The following STAM variants were observed in gnomAD, a reference collection of about 807,000 sequenced individuals.
STAM encodes the protein signal transducing adaptor molecule.
A neutral mutation model predicts 63.4 loss-of-function variants in STAM; 16 were observed. The observed-to-expected ratio is 0.25, with a 90% CI of 0.17 to 0.38. The LOEUF (loss-of-function observed/expected upper bound fraction) is 0.38. STAM is among the 10% of genes least tolerant of loss of function. STAM has a pLI of 1.00. For missense variants in STAM, 636 were observed against 657.1 expected (o/e 0.97, Z 0.35); for synonymous variants, 238 against 223.9 (o/e 1.06, Z -0.56).
At chr10:17,694,888 T>C (rs1835687828) in intron 6 of STAM, 161 bp from the exon 7 acceptor site, 1 of 585,950 alleles carries the variant, frequency 1.7e-6, no homozygotes, top group Non-Finnish European at 2.7e-6. Context: ...AATGAATGAA[T>C]AAACTGACAA....
intron 5 of STAM, among the ~76,000 whole-genome samples, chr10:17,688,985 C>T (rs1835416476): frequency 6.6e-6 from 1 of 151,980 alleles, no homozygotes; most frequent in Non-Finnish European, 1.5e-5. Context: ...AAGAGAAGCA[C>T]CTGAAGCATT....
At chr10:17,667,761 T>A (rs1554823619) in intron 2 of STAM, among the ~76,000 whole-genome samples, 1 of 152,202 alleles carries the variant, frequency 6.6e-6, no homozygotes, top group African/African-American at 2.4e-5. Flanking sequence ...ATGCTATAAT[T>A]TTAATGTTGA....
At chr10:17,684,209 G>A (rs751448882) in intron 2 of STAM, among the ~76,000 whole-genome samples, 9 of 152,208 alleles carry the variant, frequency 5.9e-5, no homozygotes, top group Admixed American at 2.6e-4. Context: ...TAGGCAGAAA[G>A]TTGAGGCAAA....
At position 17,716,210 on chromosome 10, in the gene STAM, A is replaced by G. The variant is rs977052100; in HGVS notation, c.*1430A>G. Among the ~76,000 whole-genome samples, 1 of 152,148 alleles carries G rather than the reference A, an allele frequency of 6.6e-6. No individual in the cohort carries two copies. Among genetic ancestry groups the G allele is most frequent in the Non-Finnish European group, 1.5e-5 (1 of 67,990 alleles). ...AATGAATTGATGTAACAGGTTTCAT[A>G]CTATAAATGAAAATTTCATTTTTAT... is the stretch of plus-strand genomic sequence containing the variant. On this transcript the variant is annotated 3_prime_UTR_variant, in exon 14 of 14. Coordinates refer to ENST00000377524, the MANE Select transcript of STAM (RefSeq NM_003473.4).
intron 1 of STAM, among the ~76,000 whole-genome samples, chr10:17,648,569 C>G (rs781825104): frequency 7.2e-5 from 11 of 152,172 alleles, no homozygotes; most frequent in Non-Finnish European, 1.0e-4. Flanking sequence ...AGGTCCGTGG[C>G]TTCATTCTTG....
intron 1 of STAM, among the ~76,000 whole-genome samples, chr10:17,648,997 CTGGGA>C (rs1833632281): frequency 6.6e-6 from 1 of 152,174 alleles, no homozygotes; most frequent in Non-Finnish European, 1.5e-5. Context: ...TACTCTTTGC[CTGGGA>C]TACTCCTCAC....
In STAM at chr10:17,690,476, A is replaced by G. The variant is rs116451608; in HGVS notation, c.444+2303A>G. Among the ~76,000 whole-genome samples the G allele has an allele frequency of 5.2e-3, 799 of 152,336 alleles. 12 individuals are homozygous for G. The highest frequency in any genetic ancestry group is 0.019 in the African/African-American group (774 of 41,576). On this transcript the variant is annotated intron_variant, in intron 5 of 13. Transcript: ENST00000377524. ...CTACAAGAAATACATATAAAGTAAA[A>G]TATGATGAGGTAGAATGATTTTTTT...
chr10:17,664,763 T>TG (rs1834310072), intron 2 of STAM, among the ~76,000 whole-genome samples: 1 of 152,130 alleles, frequency 6.6e-6, no homozygotes, highest in Non-Finnish European at 1.5e-5. Flanking sequence ...TGATTTGTGT[T>TG]TCAGGCAACA....
intron 4 of STAM, among the ~76,000 whole-genome samples, chr10:17,687,324 A>G (rs1427424479): frequency 2.0e-5 from 3 of 152,074 alleles, no homozygotes; most frequent in African/African-American, 7.2e-5. Context: ...AAAGTACAAA[A>G]ATTAGCTGGG....
At chr10:17,704,598 A>C in intron 10 of STAM, 80 bp downstream of exon 10, 1 of 1,217,490 alleles carries the variant, frequency 8.2e-7, no homozygotes, top group Non-Finnish European at 1.2e-6. Flanking sequence ...ATGGGTTTTG[A>C]GGATAATATT....
intron 2 of STAM, among the ~76,000 whole-genome samples, chr10:17,667,822 A>C (rs782458394): frequency 3.3e-5 from 5 of 152,264 alleles, no homozygotes; most frequent in Non-Finnish European, 5.9e-5. Flanking sequence ...AATAGTCTGT[A>C]GGTGAATGCT....
rs1217406796 is a variant in STAM at position 17,708,795 on chromosome 10, C to T, written c.1229C>T (p.Pro410Leu). 1 of 1,613,728 alleles carries T rather than the reference C, an allele frequency of 6.2e-7. No individual in the cohort carries two copies. Among genetic ancestry groups the T allele is most frequent in the South Asian group, 1.1e-5 (1 of 91,048 alleles). Reference protein sequence around the residue: ...SGSQVYAGPPPSGAYLVAGNA... With the variant: ...SGSQVYAGPPLSGAYLVAGNA... ...TCGCAGGTGTATGCAGGGCCTCCTC[C>T]AAGTGGTGCCTACCTGGTTGCAGGG... The change falls in exon 13 of 14, where the codon CCA becomes CTA. Residue 410 changes from proline to leucine, a missense_variant. Around this residue, in one of 3 missense-constraint regions of STAM, gnomAD observed 532 missense variants for 536.9 expected, o/e 0.99. Transcript: ENST00000377524.
intron 1 of STAM, among the ~76,000 whole-genome samples, chr10:17,649,958 C>T (rs1833672886): frequency 6.6e-6 from 1 of 152,148 alleles, no homozygotes; most frequent in Non-Finnish European, 1.5e-5. Context: ...ACTTGAAACC[C>T]AAGAGGCATC....
chr10:17,655,557 G>T (rs1833905139), intron 1 of STAM, among the ~76,000 whole-genome samples: 1 of 152,118 alleles, frequency 6.6e-6, no homozygotes, highest in East Asian at 1.9e-4. Context: ...AAAATATTTG[G>T]TCAGAGTTGA....
intron 2 of STAM, among the ~76,000 whole-genome samples, chr10:17,682,081 G>A (rs1172386111): frequency 6.6e-6 from 1 of 152,110 alleles, no homozygotes; most frequent in African/African-American, 2.4e-5. Flanking sequence ...ATAGTTTGAT[G>A]AGTTTTGACA....
chr10:17,711,033 A>T (rs1836530049), intron 13 of STAM, among the ~76,000 whole-genome samples: 1 of 152,218 alleles, frequency 6.6e-6, no homozygotes, highest in Non-Finnish European at 1.5e-5. Context: ...GGCCAGGGTT[A>T]GAAATTTCCT....
rs782486456 is a variant in STAM at position 17,705,680 on chromosome 10, T to C, written c.1148T>C (p.Met383Thr). The change falls in exon 12 of 14, where the codon ATG becomes ACG. Residue 383 changes from methionine (M) to threonine (T), a missense_variant. By Grantham distance (81) the Met-to-Thr change is moderately conservative. This residue lies in a region of STAM where 532 missense variants were observed against 536.9 expected (regional missense o/e 0.99). Coordinates refer to ENST00000377524, the MANE Select transcript of STAM (RefSeq NM_003473.4). The part of the protein sequence containing the change: ...KLMNEDPMYS[M>T]YAKLQNQPYY... ...ATGAACGAAGATCCGATGTATTCCA[T>C]GTATGCAAAGTTACAGAATCAGCCA... 7 of 1,613,936 alleles carry C rather than the reference T, an allele frequency of 4.3e-6. No homozygotes were observed. Among genetic ancestry groups the C allele is most frequent in the Non-Finnish European group, 5.1e-6 (6 of 1,179,976 alleles).
chr10:17,661,961 T>C (rs1554822924), intron 2 of STAM, among the ~76,000 whole-genome samples: 1 of 152,226 alleles, frequency 6.6e-6, no homozygotes, highest in African/African-American at 2.4e-5. Context: ...ATTAATTTAA[T>C]TGAAAATTTT....
chr10:17,685,013 C>G, intron 4 of STAM, 86 bp downstream of exon 4: 1 of 1,111,034 alleles, frequency 9.0e-7, no homozygotes, highest in South Asian at 1.6e-5. Flanking sequence ...GAGGACTATT[C>G]TGTGCTTTTT....
Sources: gnomAD v4.1 joint callset for allele counts (sites outside exome capture counted in the v4.1 genomes callset) on GRCh38, gnomAD v4.1.1 for gene constraint, gnomAD v4.1.1 regional missense constraint, MANE v1.5 for transcripts, NCBI Gene and HGNC (gene_info 2026-07-23, HGNC 2026-07-21) for gene names.